ABLIM3: variants seen among roughly 807,000 people sequenced by gnomAD.
ABLIM3 encodes actin-binding LIM protein 3.
A neutral mutation model predicts 109.5 loss-of-function variants in ABLIM3; 61 were observed. The ratio of observed to expected loss-of-function variants is 0.56; its 90% CI spans 0.45 to 0.69. The LOEUF (loss-of-function observed/expected upper bound fraction) is 0.69, where lower values mean the gene tolerates loss of function less well. Among genes scored for constraint, ABLIM3 ranks in the 30% least tolerant of loss-of-function variants. ABLIM3 has a pLI of 0.00. For synonymous variants in ABLIM3, 300 were observed against 324.8 expected, an observed-to-expected ratio of 0.92 and a Z score of 0.82; for missense variants, 796 against 889.5, an observed-to-expected ratio of 0.89 and a Z score of 1.34.
intron 18 of ABLIM3, 33 bp from the exon 19 acceptor site, chr5:149,249,782 T>C: frequency 6.2e-7 from 1 of 1,613,970 alleles, no homozygotes; most frequent in African/African-American, 1.3e-5. Flanking sequence ...TCTTTCCTCA[T>C]GAGCAATGAC....
At chr5:149,171,916 T>G (rs56003631) in intron 2 of ABLIM3, among the ~76,000 whole-genome samples, 63,099 of 151,896 alleles carry the variant, frequency 0.42, 13,629 homozygotes, top group East Asian at 0.68. Context: ...GAGTTTCTAT[T>G]GTCCACTATT....
At chr5:149,211,301 C>T (rs1196042460) in intron 7 of ABLIM3, among the ~76,000 whole-genome samples, 1 of 152,126 alleles carries the variant, frequency 6.6e-6, no homozygotes. Flanking sequence ...CTCTCCCCAG[C>T]CTTTGATGTA....
In ABLIM3 at chr5:149,251,525, C is replaced by T. The variant is rs2289284; in HGVS notation, c.1849+106C>T. 1.2e-3 allele frequency: 1,592 copies of T among 1,331,462 alleles called. 34 individuals carry two copies. In the East Asian group the frequency reaches 0.034, roughly 28 times the overall value. The allele number at this position is 1,331,462 out of a possible 1,614,324, so 82.5% of individuals were successfully genotyped here. A position where few individuals can be genotyped will look rare whatever the true frequency, so the allele number is the denominator to read the frequency against. On this transcript the variant is annotated intron_variant, in intron 21 of 23. Transcript: ENST00000309868. The stretch of plus-strand genomic sequence containing the variant: ...ATGATGGCTACAGATTCTGTCCCCA[C>T]GCTGGGCTGTGTCCAACCCTGAGTT...
At chr5:149,241,284 C>T (rs1220879895) in intron 14 of ABLIM3, among the ~76,000 whole-genome samples, 2 of 152,122 alleles carry the variant, frequency 1.3e-5, no homozygotes, top group African/African-American at 2.4e-5. Flanking sequence ...TTGGTATTTA[C>T]GTACTAATGT....
intron 23 of ABLIM3, among the ~76,000 whole-genome samples, chr5:149,254,012 A>G (rs941501742): frequency 1.3e-5 from 2 of 152,204 alleles, no homozygotes; most frequent in African/African-American, 4.8e-5. Flanking sequence ...GAGCTTGTAC[A>G]GGGGAACGCC....
intron 6 of ABLIM3, among the ~76,000 whole-genome samples, chr5:149,209,736 G>T (rs1181305383): frequency 6.6e-6 from 1 of 152,154 alleles, no homozygotes; most frequent in Non-Finnish European, 1.5e-5. Context: ...TGAAAGGGTT[G>T]GGGGAGGTGT....
intron 5 of ABLIM3, among the ~76,000 whole-genome samples, chr5:149,206,146 T>C (rs1188796258): frequency 2.6e-5 from 4 of 152,246 alleles, no homozygotes; most frequent in Non-Finnish European, 5.9e-5. Flanking sequence ...CCTTGGACGT[T>C]GGCTCCATTT....
intron 23 of ABLIM3, among the ~76,000 whole-genome samples, chr5:149,256,121 G>A (rs1754402989): frequency 6.6e-6 from 1 of 152,226 alleles, no homozygotes; most frequent in Non-Finnish European, 1.5e-5. Flanking sequence ...TTGAGAACTG[G>A]AGGGAGAAAG....
intron 2 of ABLIM3, among the ~76,000 whole-genome samples, chr5:149,166,947 C>T (rs1754894998): frequency 6.6e-6 from 1 of 152,166 alleles, no homozygotes; most frequent in Non-Finnish European, 1.5e-5. Context: ...CTTATTCTTG[C>T]TGTGGAGCCA....
chr5:149,170,228 T>TTCTCTCTCTCTCTCTCTCTCTC (rs10644957), intron 2 of ABLIM3, among the ~76,000 whole-genome samples: 186 of 124,624 alleles, frequency 1.5e-3, no homozygotes, highest in African/African-American at 5.5e-3. Context: ...AGGGTTCTGT[T>TTCTCTCTCTCTCTCTCTCTCTC]TCTCTCTCTC....
Position 149,249,801 on chromosome 5 carries a change from T to C in ABLIM3, c.1700-14T>C. 1 of 1,614,136 alleles carries C rather than the reference T, an allele frequency of 6.2e-7. No homozygotes were observed. Among genetic ancestry groups the C allele is most frequent in the African/African-American group, 1.3e-5 (1 of 75,042 alleles). On this transcript the variant is annotated splice_polypyrimidine_tract_variant and intron_variant, in intron 18 of 23. Transcript: ENST00000309868. ...TCCTCATGAGCAATGACCTTCAGCTTTTCTCTCCTGCAGCCCCTCGGTCGC... is the reference window on the plus strand; with the variant it reads ...TCCTCATGAGCAATGACCTTCAGCTCTTCTCTCCTGCAGCCCCTCGGTCGC...
At position 149,238,797 on chromosome 5, in the gene ABLIM3, G is replaced by A. The variant is rs183161804; in HGVS notation, c.1045-451G>A. Among the ~76,000 whole-genome samples, 71 of 152,298 alleles carry A rather than the reference G, an allele frequency of 4.7e-4. 2 individuals are homozygous for A. Among genetic ancestry groups the A allele is most frequent in the Non-Finnish European group, 1.0e-3 (68 of 68,018 alleles). On this transcript the variant is annotated intron_variant, in intron 11 of 23. Coordinates refer to ENST00000309868, the MANE Select transcript of ABLIM3 (RefSeq NM_014945.5). ...CAGCCACCAGCTCAACTCCCTTGTT[G>A]GTGGCCCCAGCCTGGCCCCTGCTTA... is the stretch of plus-strand genomic sequence containing the variant.
chr5:149,190,773 C>G lies in ABLIM3; in HGVS notation c.151+7184C>G, dbSNP rs115395552. Among the ~76,000 whole-genome samples the G allele has an allele frequency of 2.9e-3, 437 of 152,230 alleles. 2 individuals carry two copies. Among genetic ancestry groups the G allele is most frequent in the African/African-American group, 9.7e-3 (405 of 41,540 alleles). Reference sequence around the variant, plus strand: ...ACTGAATTTACCAACAACAAACTCTCATTAAATGAAATTATAAAATATGTT... The same window carrying G: ...ACTGAATTTACCAACAACAAACTCTGATTAAATGAAATTATAAAATATGTT... On this transcript the variant is annotated intron_variant, in intron 3 of 23. Coordinates refer to ENST00000309868, the MANE Select transcript of ABLIM3 (RefSeq NM_014945.5).
intron 2 of ABLIM3, among the ~76,000 whole-genome samples, chr5:149,173,201 C>T (rs527813402): frequency 1.1e-4 from 17 of 152,286 alleles, no homozygotes; most frequent in South Asian, 6.2e-4. Context: ...TGTCACATGG[C>T]GTGATCACTT....
intron 10 of ABLIM3, among the ~76,000 whole-genome samples, chr5:149,234,254 G>A (rs544059624): frequency 9.8e-5 from 15 of 152,302 alleles, no homozygotes; most frequent in African/African-American, 3.6e-4. Flanking sequence ...TAAGCTAAAG[G>A]AGGTGGGAAA....
At chr5:149,151,899 T>C (rs1339629778) in intron 2 of ABLIM3, among the ~76,000 whole-genome samples, 3 of 152,252 alleles carry the variant, frequency 2.0e-5, no homozygotes, top group African/African-American at 7.2e-5. Context: ...GCACTAAGCA[T>C]AATGCTGGAG....
chr5:149,148,967 A>G lies in ABLIM3; in HGVS notation c.13+6859A>G, dbSNP rs1561530750. On this transcript the variant is annotated intron_variant, in intron 2 of 23. Coordinates refer to ENST00000309868, the MANE Select transcript of ABLIM3 (RefSeq NM_014945.5). Reference sequence around the variant, plus strand: ...ATCAATGGTACCACATACTGCTCCTACTCATTTTATAGGCTTCCTCCTGCC... The same window carrying G: ...ATCAATGGTACCACATACTGCTCCTGCTCATTTTATAGGCTTCCTCCTGCC... Among the ~76,000 whole-genome samples the G allele has an allele frequency of 2.6e-5, 4 of 152,110 alleles. No homozygotes were observed. In the South Asian group the frequency reaches 8.3e-4, roughly 32 times the overall value.
intron 17 of ABLIM3, among the ~76,000 whole-genome samples, chr5:149,246,994 A>T (rs1167272446): frequency 1.3e-5 from 2 of 152,276 alleles, no homozygotes; most frequent in Non-Finnish European, 1.5e-5. Flanking sequence ...ACAAATACAT[A>T]TATACTCATA....
At chr5:149,240,865 C>A in intron 14 of ABLIM3, 91 bp downstream of exon 14, 1 of 1,241,506 alleles carries the variant, frequency 8.1e-7, no homozygotes, top group Non-Finnish European at 1.2e-6. Flanking sequence ...CACACAGGCA[C>A]CAAGAAGCTG....
Sources: allele counts gnomAD v4.1 joint callset (sites outside exome capture counted in the v4.1 genomes callset), GRCh38; gene constraint gnomAD v4.1.1; transcripts MANE v1.5; gene names NCBI Gene and HGNC (gene_info 2026-07-23, HGNC 2026-07-21).